Variants in SYT1 observed in about 807,000 individuals in gnomAD.
SYT1 encodes synaptotagmin-1.
In SYT1, 8 loss-of-function variants were observed where a neutral mutation model predicts 44.8. The ratio of observed to expected loss-of-function variants is 0.18; its 90% CI spans 0.10 to 0.32. The LOEUF (loss-of-function observed/expected upper bound fraction) is 0.32, where lower values mean the gene tolerates loss of function less well. SYT1 is among the 10% of genes least tolerant of loss of function. SYT1 has a pLI of 1.00. For missense variants in SYT1, 286 were observed against 509.3 expected (o/e 0.56, Z 4.22); for synonymous variants, 154 against 188.8 (o/e 0.82, Z 1.51).
chr12:79,040,135 C>A (rs1388599727), intron 2 of SYT1, among the ~76,000 whole-genome samples: 2 of 151,984 alleles, frequency 1.3e-5, no homozygotes, highest in Non-Finnish European at 2.9e-5. Flanking sequence ...TGGGTATATA[C>A]CCAGTAATGG....
chr12:78,935,967 A>G (rs1423555526), intron 1 of SYT1, among the ~76,000 whole-genome samples: 5 of 152,136 alleles, frequency 3.3e-5, no homozygotes, highest in African/African-American at 4.8e-5. Context: ...ATTTCCAAGT[A>G]CAAAGAGTTC....
rs1463673796 is a variant in SYT1, at chr12:79,367,950, A to G, written c.928+14331A>G. The stretch of plus-strand genomic sequence containing the variant: ...TTAAGTTTTAGGGTACATGTGCACA[A>G]TGCGCAGGTTAGTTACATATGTATA... On this transcript the variant is annotated intron_variant, in intron 9 of 10. Coordinates refer to ENST00000261205, the MANE Select transcript of SYT1 (RefSeq NM_005639.3). Among the ~76,000 whole-genome samples the G allele has an allele frequency of 2.0e-5, 3 of 151,836 alleles. No individual in the cohort carries two copies. The East Asian group carries it at 5.8e-4, about 29-fold the overall frequency.
intron 3 of SYT1, among the ~76,000 whole-genome samples, chr12:79,156,259 C>T (rs1007345212): frequency 7.9e-5 from 12 of 152,116 alleles, no homozygotes; most frequent in Non-Finnish European, 1.0e-4. Context: ...TGAGCGAGGC[C>T]GTATGACCTC....
chr12:79,315,981 G>A (rs1047731263), intron 8 of SYT1, among the ~76,000 whole-genome samples: 5 of 152,266 alleles, frequency 3.3e-5, no homozygotes, highest in African/African-American at 1.2e-4. Flanking sequence ...CCCCCAAGTT[G>A]CTCTTTTCCA....
intron 3 of SYT1, among the ~76,000 whole-genome samples, chr12:79,210,423 C>CA (rs1489462682): frequency 2.0e-5 from 3 of 152,158 alleles, no homozygotes; most frequent in Non-Finnish European, 4.4e-5. Flanking sequence ...CCCAAGTCCC[C>CA]AAAGTTTGTT....
At position 79,036,918 on chromosome 12, in the gene SYT1, A is replaced by G. The variant is rs180875025; in HGVS notation, c.-83-10379A>G. Among the ~76,000 whole-genome samples the G allele has an allele frequency of 3.0e-4, 46 of 151,928 alleles. 1 individual carries two copies. In the East Asian group the frequency reaches 8.9e-3, roughly 29 times the overall value. On this transcript the variant is annotated intron_variant, in intron 2 of 10. Transcript: ENST00000261205. ...TCAACTTCTCCCACTCTCTCATTTC[A>G]CAGCTAATGAAATCAAGGTCAGAAT...
At chr12:79,315,621 C>T (rs1260003750) in intron 8 of SYT1, among the ~76,000 whole-genome samples, 1 of 152,052 alleles carries the variant, frequency 6.6e-6, no homozygotes, top group Non-Finnish European at 1.5e-5. Context: ...AATGTCTTTC[C>T]TGGGGCTGTT....
intron 4 of SYT1, among the ~76,000 whole-genome samples, chr12:79,228,285 C>T (rs1277677644): frequency 5.9e-5 from 9 of 152,236 alleles, no homozygotes; most frequent in Admixed American, 5.2e-4. Context: ...GTAATCTGGA[C>T]CCTGACATCT....
At position 79,153,148 on chromosome 12, in the gene SYT1, C is replaced by T. The variant is rs114034592; in HGVS notation, c.-17-64355C>T. 1.9e-3 allele frequency among the ~76,000 whole-genome samples: 287 copies of T among 152,124 alleles called. 1 individual carries two copies. The highest frequency in any genetic ancestry group is 1.8e-3 in the African/African-American group (73 of 41,536). On this transcript the variant is annotated intron_variant, in intron 3 of 10. Transcript: ENST00000261205. The stretch of plus-strand genomic sequence containing the variant: ...CCTCACTGGGAGAGGTTGAGGGAAA[C>T]GGGGCTGAGTTCTAGCCCAAGACAT...
intron 1 of SYT1, among the ~76,000 whole-genome samples, chr12:78,888,123 A>G (rs912019275): frequency 6.6e-6 from 1 of 152,018 alleles, no homozygotes; most frequent in African/African-American, 2.4e-5. Context: ...CAGATATTAT[A>G]ATATTTTTAA....
rs1872305552 is a variant in SYT1, at chr12:79,179,425, T to TATATCTATCC, written c.-17-38074_-17-38073insCTATCCATAT. ...ATATAGATATAGATATAGATATATC[T>TATATCTATCC]ATATAGATATATCCATATAGATATA... On this transcript the variant is annotated intron_variant, in intron 3 of 10. Transcript: ENST00000261205. Among the ~76,000 whole-genome samples the TATATCTATCC allele has an allele frequency of 9.1e-5, 4 of 43,862 alleles. 1 individual carries two copies. Among genetic ancestry groups the TATATCTATCC allele is most frequent in the African/African-American group, 5.3e-4 (4 of 7,560 alleles). 28.8% of individuals were successfully genotyped at this position (43,862 alleles called of 152,430 possible).
chr12:79,404,881 T>C, intron 9 of SYT1, among the ~76,000 whole-genome samples: 1 of 152,190 alleles, frequency 6.6e-6, no homozygotes, highest in East Asian at 1.9e-4. Context: ...TGTACCCTCT[T>C]TGTGACATTG....
In SYT1 at chr12:79,277,916, A is replaced by C. The variant is rs1878825164; in HGVS notation, c.167-7871A>C. Among the ~76,000 whole-genome samples the C allele has an allele frequency of 2.6e-5, 4 of 152,044 alleles. No individual in the cohort carries two copies. In the South Asian group the frequency reaches 8.3e-4, roughly 31 times the overall value. ...AAATCAACAGCAGTAATAAAGACAA[A>C]GAAGGTCATTATATAATGATAAAGA... On this transcript the variant is annotated intron_variant, in intron 4 of 10. Transcript: ENST00000261205.
At chr12:79,125,305 T>C (rs1245975745) in intron 3 of SYT1, among the ~76,000 whole-genome samples, 2 of 151,988 alleles carry the variant, frequency 1.3e-5, no homozygotes, top group South Asian at 2.1e-4. Flanking sequence ...TGGCAAACAT[T>C]GTAAAGAAAG....
Position 79,295,988 on chromosome 12 carries a change from T to C in SYT1, c.475-81T>C, listed in dbSNP as rs73351032. The C allele has an allele frequency of 2.0e-3, 2,762 of 1,402,226 alleles. 43 individuals carry two copies. In the African/African-American group the frequency reaches 0.036, roughly 18 times the overall value. 86.9% of individuals were successfully genotyped at this position (1,402,226 alleles called of 1,614,324 possible). A position where few individuals can be genotyped will look rare whatever the true frequency, so the allele number is the denominator to read the frequency against. ...AAATAGGAAGAGGGAGAAATCCCAA[T>C]ATGCAGCATTGTGAACAAATCGATC... On this transcript the variant is annotated intron_variant, in intron 6 of 10. Transcript: ENST00000261205.
chr12:78,940,250 G>A (rs1048866407), intron 1 of SYT1, among the ~76,000 whole-genome samples: 1 of 152,034 alleles, frequency 6.6e-6, no homozygotes, highest in African/African-American at 2.4e-5. Context: ...GGACAAGAAT[G>A]AGATGTATTG....
intron 1 of SYT1, among the ~76,000 whole-genome samples, chr12:78,964,488 G>A (rs1034317271): frequency 1.3e-5 from 2 of 152,074 alleles, no homozygotes; most frequent in Non-Finnish European, 2.9e-5. Flanking sequence ...AATTTTGGAC[G>A]ATTTGAGATA....
intron 3 of SYT1, among the ~76,000 whole-genome samples, chr12:79,076,256 TAG>T (rs1261265335): frequency 6.6e-6 from 1 of 152,068 alleles, no homozygotes. Flanking sequence ...TCTCTGGGTA[TAG>T]CGAGGCACCT....
At chr12:78,936,572 T>G (rs1878072339) in intron 1 of SYT1, among the ~76,000 whole-genome samples, 1 of 152,298 alleles carries the variant, frequency 6.6e-6, no homozygotes, top group South Asian at 2.1e-4. Flanking sequence ...ATTACAATTT[T>G]TCCTTTAAAA....
Sources: gnomAD v4.1 joint callset for allele counts (sites outside exome capture counted in the v4.1 genomes callset) on GRCh38, gnomAD v4.1.1 for gene constraint, MANE v1.5 for transcripts, NCBI Gene and HGNC (gene_info 2026-07-23, HGNC 2026-07-21) for gene names.